The following CFAP299 variants were observed in gnomAD, a reference collection of about 807,000 sequenced individuals.
The protein encoded by CFAP299 is cilia- and flagella-associated protein 299.
A neutral mutation model predicts 27.0 loss-of-function variants in CFAP299; 21 were observed. The observed-to-expected ratio is 0.78, with a 90% CI of 0.55 to 1.12. The LOEUF is 1.12. Ranked by LOEUF, CFAP299 falls within the 50% of genes most tolerant of loss-of-function variation. CFAP299 has a pLI of 0.00. For synonymous variants in CFAP299, 104 were observed against 98.1 expected (o/e 1.06, Z -0.36); for missense variants, 310 against 276.6 (o/e 1.12, Z -0.86).
intron 4 of CFAP299, among the ~76,000 whole-genome samples, chr4:80,929,356 A>C (rs75127663): frequency 0.022 from 3,359 of 151,470 alleles, 124 homozygotes; most frequent in East Asian, 0.15. Flanking sequence ...CTATGACACC[A>C]CTATCCCTCC....
chr4:80,789,939 T>C (rs148245651), intron 3 of CFAP299, among the ~76,000 whole-genome samples: 212 of 152,098 alleles, frequency 1.4e-3, no homozygotes, highest in African/African-American at 4.9e-3. Flanking sequence ...GGCAGACAAA[T>C]ATAAGTGTTA....
chr4:80,681,193 T>C (rs1719815194), intron 3 of CFAP299, among the ~76,000 whole-genome samples: 1 of 152,180 alleles, frequency 6.6e-6, no homozygotes. Flanking sequence ...GTAACTGTTA[T>C]TGTTTTGAAA....
chr4:80,826,623 G>A (rs190451959), intron 3 of CFAP299, among the ~76,000 whole-genome samples: 1 of 151,794 alleles, frequency 6.6e-6, no homozygotes, highest in Admixed American at 6.6e-5. Flanking sequence ...ATAGTTCAAT[G>A]CCCCACACTC....
At chr4:80,339,172 C>T (rs1722312202) in intron 1 of CFAP299, among the ~76,000 whole-genome samples, 1 of 152,230 alleles carries the variant, frequency 6.6e-6, no homozygotes, top group Admixed American at 6.5e-5. Flanking sequence ...TCTGGCAGCA[C>T]TCCCTGCTCT....
In CFAP299 at chr4:80,376,647, TTTC is replaced by T. The variant is rs760293405; in HGVS notation, c.242+13778_242+13780del. On this transcript the variant is annotated intron_variant, in intron 2 of 5. Coordinates refer to ENST00000358105, the MANE Select transcript of CFAP299 (RefSeq NM_152770.3). ...CTAATGACTAATGATGCTGAACATC[TTTC>T]TTCTTCTTCTTCTTTTTTATTGAGA... Among the ~76,000 whole-genome samples the T allele has an allele frequency of 2.5e-3, 376 of 152,166 alleles. 2 individuals are homozygous for T. Among genetic ancestry groups the T allele is most frequent in the East Asian group, 2.3e-3 (12 of 5,174 alleles).
chr4:80,476,498 C>T (rs1469551024), intron 2 of CFAP299, among the ~76,000 whole-genome samples: 1 of 152,070 alleles, frequency 6.6e-6, no homozygotes, highest in African/African-American at 2.4e-5. Flanking sequence ...GCAGAATTCC[C>T]AGGAAGCTTC....
chr4:80,801,792 C>T (rs1456946619), intron 3 of CFAP299, among the ~76,000 whole-genome samples: 2 of 152,104 alleles, frequency 1.3e-5, no homozygotes, highest in African/African-American at 4.8e-5. Flanking sequence ...AACGAGGCAC[C>T]TTTGCTTTCA....
intron 4 of CFAP299, among the ~76,000 whole-genome samples, chr4:80,882,537 C>CT (rs1472154521): frequency 1.3e-5 from 2 of 151,918 alleles, no homozygotes; most frequent in Non-Finnish European, 2.9e-5. Flanking sequence ...ACTCCGGAGG[C>CT]TGAGGCAGGA....
intron 3 of CFAP299, among the ~76,000 whole-genome samples, chr4:80,845,167 A>G (rs1731105702): frequency 6.6e-6 from 1 of 152,050 alleles, no homozygotes; most frequent in East Asian, 1.9e-4. Flanking sequence ...GCCTTGTAGT[A>G]TAGTTTGAAG....
At chr4:80,735,958 C>T (rs534001502) in intron 3 of CFAP299, among the ~76,000 whole-genome samples, 31 of 151,954 alleles carry the variant, frequency 2.0e-4, no homozygotes, top group Non-Finnish European at 3.8e-4. Context: ...CTCAGAATTA[C>T]CTTGGGAGTA....
At chr4:80,680,252 G>C (rs1560694390) in intron 3 of CFAP299, among the ~76,000 whole-genome samples, 1 of 151,744 alleles carries the variant, frequency 6.6e-6, no homozygotes. Context: ...CCCTTTCATT[G>C]TCTACAGTTT....
intron 3 of CFAP299, among the ~76,000 whole-genome samples, chr4:80,584,707 C>T (rs1736344446): frequency 6.6e-6 from 1 of 151,998 alleles, no homozygotes; most frequent in Non-Finnish European, 1.5e-5. Context: ...ATCAACAAAA[C>T]CCATGAGCCT....
chr4:80,902,580 A>AATAT (rs372604502), intron 4 of CFAP299, among the ~76,000 whole-genome samples: 5,628 of 82,340 alleles, frequency 0.068, 294 homozygotes, highest in African/African-American at 0.13. Context: ...ATATATATGT[A>AATAT]ATATATACAC....
chr4:80,824,056 A>G (rs571042240), intron 3 of CFAP299, among the ~76,000 whole-genome samples: 3 of 152,270 alleles, frequency 2.0e-5, no homozygotes, highest in Non-Finnish European at 4.4e-5. Context: ...ATTTGGAATG[A>G]CATTATAAGC....
chr4:80,783,921 A>T (rs1727083248), intron 3 of CFAP299, among the ~76,000 whole-genome samples: 1 of 151,924 alleles, frequency 6.6e-6, no homozygotes, highest in African/African-American at 2.4e-5. Context: ...ACCCCTGGTA[A>T]CACCGTTTTA....
intron 3 of CFAP299, among the ~76,000 whole-genome samples, chr4:80,800,635 T>G (rs1320389075): frequency 9.6e-6 from 1 of 104,032 alleles, no homozygotes; most frequent in East Asian, 2.3e-4. Context: ...TTAATATAAA[T>G]ATATAATATA....
chr4:80,387,904 G>A, intron 2 of CFAP299: 1 of 907,098 alleles, frequency 1.1e-6, no homozygotes. Context: ...GGTGCCCCCG[G>A]TGGCACTGGT....
chr4:80,355,685 T>TTATTAAACCTCTGTTGGA (rs1180316898), intron 1 of CFAP299, among the ~76,000 whole-genome samples: 1 of 152,204 alleles, frequency 6.6e-6, no homozygotes, highest in Non-Finnish European at 1.5e-5. Context: ...TAGATGCTGG[T>TTATTAAACCTCTGTTGGA]TATTAAACCT....
chr4:80,431,230 G>A (rs1241961649), intron 2 of CFAP299, among the ~76,000 whole-genome samples: 1 of 152,158 alleles, frequency 6.6e-6, no homozygotes, highest in Non-Finnish European at 1.5e-5. Flanking sequence ...TAACTGGAAT[G>A]GTATCTGGCA....
Sources: allele counts gnomAD v4.1 joint callset (sites outside exome capture counted in the v4.1 genomes callset), GRCh38; gene constraint gnomAD v4.1.1; transcripts MANE v1.5; gene names NCBI Gene and HGNC (gene_info 2026-07-23, HGNC 2026-07-21).